Variants in ERBB4 observed in about 807,000 individuals in gnomAD.
The protein encoded by ERBB4 is receptor tyrosine-protein kinase erbB-4.
In ERBB4, 42 loss-of-function variants were observed where a neutral mutation model predicts 158.0. The ratio of observed to expected loss-of-function variants is 0.27; its 90% CI spans 0.21 to 0.34. ERBB4 has a LOEUF of 0.34. Ranked by LOEUF, ERBB4 falls within the 10% of genes least tolerant of loss-of-function variation. ERBB4 has a pLI of 1.00. For synonymous variants in ERBB4, 583 were observed against 558.7 expected, an observed-to-expected ratio of 1.04 and a Z score of -0.61; for missense variants, 1,333 against 1,624.1, an observed-to-expected ratio of 0.82 and a Z score of 3.08.
intron 1 of ERBB4, among the ~76,000 whole-genome samples, chr2:212,207,710 T>C (rs1376288638): frequency 6.6e-6 from 1 of 152,108 alleles, no homozygotes; most frequent in East Asian, 1.9e-4. Flanking sequence ...GCTTACAATA[T>C]ATTACTTTTC....
intron 2 of ERBB4, among the ~76,000 whole-genome samples, chr2:212,117,231 G>A (rs2079597581): frequency 6.6e-6 from 1 of 152,106 alleles, no homozygotes; most frequent in South Asian, 2.1e-4. Context: ...TCATGTTAAT[G>A]CAGTATCTAA....
Position 211,774,073 on chromosome 2 carries a change from A to ATTTTT in ERBB4, c.556+13947_556+13951dup, listed in dbSNP as rs113991569. 1.2e-3 allele frequency among the ~76,000 whole-genome samples: 168 copies of ATTTTT among 142,150 alleles called. 1 individual carries two copies. In the East Asian group the frequency reaches 0.018, roughly 15 times the overall value. 93.3% of individuals were successfully genotyped at this position (142,150 alleles called of 152,430 possible). A position where few individuals can be genotyped will look rare whatever the true frequency, so the allele number is the denominator to read the frequency against. ...AGATGCTCTGTGGTCACCCCAACCA[A>ATTTTT]TTTTTTTTTTTTTTCTTGAGATGGA... is the stretch of plus-strand genomic sequence containing the variant. On this transcript the variant is annotated intron_variant, in intron 4 of 27. Transcript: ENST00000342788.
At chr2:212,118,792 T>C (rs1434993618) in intron 2 of ERBB4, among the ~76,000 whole-genome samples, 2 of 152,072 alleles carry the variant, frequency 1.3e-5, no homozygotes, top group Admixed American at 1.3e-4. Flanking sequence ...CTCTGCCAAA[T>C]ATATATAAAA....
At chr2:211,424,059 AT>A in intron 23 of ERBB4, 95 bp downstream of exon 23, 1 of 1,266,348 alleles carries the variant, frequency 7.9e-7, no homozygotes, top group Non-Finnish European at 1.2e-6. Context: ...GAACTGTCGT[AT>A]TTTTCAATAC....
chr2:212,288,159 C>T (rs2086068518), intron 1 of ERBB4, among the ~76,000 whole-genome samples: 1 of 151,888 alleles, frequency 6.6e-6, no homozygotes. Context: ...TGGTTTCAGC[C>T]CTGGATCTAT....
intron 1 of ERBB4, among the ~76,000 whole-genome samples, chr2:212,514,995 A>G (rs189068366): frequency 6.6e-6 from 1 of 152,370 alleles, no homozygotes; most frequent in Non-Finnish European, 1.5e-5. Context: ...TAAAAGGAGC[A>G]TATATTTAAT....
At chr2:212,536,528 G>A (rs1202984038) in intron 1 of ERBB4, among the ~76,000 whole-genome samples, 1 of 152,138 alleles carries the variant, frequency 6.6e-6, no homozygotes, top group Non-Finnish European at 1.5e-5. Flanking sequence ...ACAATGGCAC[G>A]CTAATCCTCG....
At chr2:211,973,935 A>G (rs2081532234) in intron 2 of ERBB4, among the ~76,000 whole-genome samples, 1 of 152,360 alleles carries the variant, frequency 6.6e-6, no homozygotes, top group East Asian at 1.9e-4. Flanking sequence ...TTACAGGGAC[A>G]TGAATTAAGC....
At chr2:211,434,050 G>T (rs1471289548) in intron 20 of ERBB4, among the ~76,000 whole-genome samples, 1 of 152,148 alleles carries the variant, frequency 6.6e-6, no homozygotes, top group African/African-American at 2.4e-5. Context: ...GTATTTGTTT[G>T]AACGATGAAG....
chr2:212,186,001 A>G (rs1301259472), intron 1 of ERBB4, among the ~76,000 whole-genome samples: 1 of 152,210 alleles, frequency 6.6e-6, no homozygotes, highest in African/African-American at 2.4e-5. Context: ...TATTTGATCA[A>G]AACAGCTACG....
intron 2 of ERBB4, among the ~76,000 whole-genome samples, chr2:212,050,152 C>CT (rs1167229445): frequency 2.0e-4 from 30 of 151,372 alleles, no homozygotes; most frequent in South Asian, 2.1e-4. Flanking sequence ...TTCATATTGT[C>CT]TTTTTTTTTC....
At chr2:211,596,385 G>A (rs2068630577) in intron 19 of ERBB4, among the ~76,000 whole-genome samples, 2 of 152,110 alleles carry the variant, frequency 1.3e-5, no homozygotes, top group Admixed American at 6.5e-5. Context: ...AAAATAAGAC[G>A]AATATATTCT....
At chr2:212,423,406 T>C (rs1366831522) in intron 1 of ERBB4, among the ~76,000 whole-genome samples, 1 of 152,182 alleles carries the variant, frequency 6.6e-6, no homozygotes, top group Non-Finnish European at 1.5e-5. Context: ...AGACCATGTA[T>C]AGAGGTTCAA....
intron 1 of ERBB4, among the ~76,000 whole-genome samples, chr2:212,308,175 G>T (rs2086884739): frequency 6.6e-6 from 1 of 151,046 alleles, no homozygotes. Flanking sequence ...AGAAACATAG[G>T]CACACCGTCT....
intron 1 of ERBB4, among the ~76,000 whole-genome samples, chr2:212,449,791 A>G (rs902426949): frequency 2.6e-5 from 4 of 152,120 alleles, no homozygotes; most frequent in Non-Finnish European, 5.9e-5. Flanking sequence ...AGGCTTGGAT[A>G]AACACCCCCT....
At chr2:211,978,790 C>T (rs1001666657) in intron 2 of ERBB4, among the ~76,000 whole-genome samples, 3 of 152,130 alleles carry the variant, frequency 2.0e-5, no homozygotes, top group African/African-American at 7.2e-5. Flanking sequence ...TGGTGAACAT[C>T]AAGGTGTTCT....
intron 19 of ERBB4, among the ~76,000 whole-genome samples, chr2:211,574,093 C>G (rs1198865289): frequency 1.3e-5 from 2 of 152,088 alleles, no homozygotes; most frequent in African/African-American, 2.4e-5. Flanking sequence ...CCAATTATAT[C>G]TAAAGGGAAT....
chr2:212,067,420 T>C (rs1363452842), intron 2 of ERBB4, among the ~76,000 whole-genome samples: 1 of 152,010 alleles, frequency 6.6e-6, no homozygotes, highest in Non-Finnish European at 1.5e-5. Context: ...TTCACTGTTT[T>C]TGAGTTTTTA....
intron 2 of ERBB4, among the ~76,000 whole-genome samples, chr2:212,066,131 AGGCCTCG>A (rs2077940116): frequency 2.6e-5 from 4 of 151,936 alleles, no homozygotes; most frequent in Non-Finnish European, 5.9e-5. Context: ...TCATTCGATT[AGGCCTCG>A]AAAGACTCTT....
Sources: allele counts gnomAD v4.1 joint callset (sites outside exome capture counted in the v4.1 genomes callset), GRCh38; gene constraint gnomAD v4.1.1; transcripts MANE v1.5; gene names NCBI Gene and HGNC (gene_info 2026-07-23, HGNC 2026-07-21).